The following WWC1 variants were observed in gnomAD, a reference collection of about 807,000 sequenced individuals.
WWC1 encodes WW and C2 domain containing 1.
A neutral mutation model predicts 138.4 loss-of-function variants in WWC1; 55 were observed. The ratio of observed to expected loss-of-function variants is 0.40; its 90% CI spans 0.32 to 0.50. WWC1 has a LOEUF of 0.50. Among genes scored for constraint, WWC1 ranks in the 20% least tolerant of loss-of-function variants. The pLI, the probability that WWC1 is intolerant of heterozygous loss-of-function variation, is 0.72. For synonymous variants in WWC1, 524 were observed against 564.9 expected (o/e 0.93, Z 1.03); for missense variants, 1,226 against 1,420.4 (o/e 0.86, Z 2.20).
Position 168,467,797 on chromosome 5 carries a change from G to A in WWC1, c.3151-43G>A, listed in dbSNP as rs763637772. 5.6e-6 allele frequency: 9 copies of A among 1,612,668 alleles called. No homozygotes were observed. The East Asian group carries it at 2.0e-4, about 36-fold the overall frequency. ...AGCGAGTTCTCCTTGCCCCTTTCTG[G>A]AGGCCCCCTCCACTGACTCAGGGCC... On this transcript the variant is annotated intron_variant, in intron 21 of 22. Transcript: ENST00000265293.
intron 1 of WWC1, among the ~76,000 whole-genome samples, chr5:168,296,023 C>G (rs1769508545): frequency 6.6e-6 from 1 of 152,244 alleles, no homozygotes; most frequent in African/African-American, 2.4e-5. Context: ...CAGGTCTGAA[C>G]AGCACCTTGG....
chr5:168,441,986 T>G, intron 16 of WWC1, 152 bp downstream of exon 16: 2 of 1,176,560 alleles, frequency 1.7e-6, no homozygotes, highest in Non-Finnish European at 2.3e-6. Flanking sequence ...AGGAGAGATC[T>G]CCACTAAGGG....
intron 2 of WWC1, 151 bp from the exon 3 acceptor site, chr5:168,385,060 C>T (rs1393322104): frequency 1.3e-6 from 1 of 748,516 alleles, no homozygotes; most frequent in Non-Finnish European, 2.2e-6. Context: ...TGGAGAATCA[C>T]TGTCATTTAG....
intron 1 of WWC1, among the ~76,000 whole-genome samples, chr5:168,366,801 A>AG (rs1776327629): frequency 1.8e-4 from 18 of 98,946 alleles, no homozygotes; most frequent in African/African-American, 7.0e-4. Context: ...ACTTTGAAAC[A>AG]CTTTTTTTTT....
chr5:168,372,579 C>T (rs1776845477), intron 2 of WWC1, among the ~76,000 whole-genome samples: 1 of 152,180 alleles, frequency 6.6e-6, no homozygotes, highest in Non-Finnish European at 1.5e-5. Flanking sequence ...CTCTTTTAAT[C>T]CTCCCAATTC....
intron 1 of WWC1, among the ~76,000 whole-genome samples, chr5:168,298,219 A>G (rs571224392): frequency 7.8e-4 from 119 of 152,098 alleles, no homozygotes; most frequent in South Asian, 2.3e-3. Context: ...TTGTATTTTT[A>G]GTAGAGACAG....
intron 1 of WWC1, among the ~76,000 whole-genome samples, chr5:168,357,448 C>CTGTGTGTGTG (rs67198550): frequency 2.5e-4 from 33 of 134,522 alleles, no homozygotes; most frequent in African/African-American, 5.8e-4. Flanking sequence ...AACCTGCCTT[C>CTGTGTGTGTG]TGTGTGTGTG....
At chr5:168,407,169 C>A (rs1413694217) in intron 6 of WWC1, among the ~76,000 whole-genome samples, 1 of 152,172 alleles carries the variant, frequency 6.6e-6, no homozygotes, top group East Asian at 1.9e-4. Flanking sequence ...AATGTAGCAT[C>A]TCTATAAGCA....
At chr5:168,446,487 T>G (rs549655954) in intron 17 of WWC1, among the ~76,000 whole-genome samples, 3 of 152,226 alleles carry the variant, frequency 2.0e-5, no homozygotes, top group Non-Finnish European at 4.4e-5. Flanking sequence ...TTGTGTAACC[T>G]TAGGCAAAGT....
intron 2 of WWC1, among the ~76,000 whole-genome samples, chr5:168,380,045 A>T (rs561892540): frequency 2.0e-5 from 3 of 152,232 alleles, no homozygotes; most frequent in Non-Finnish European, 2.9e-5. Context: ...CTCAAAAGAC[A>T]TTATTAAGAA....
intron 2 of WWC1, among the ~76,000 whole-genome samples, chr5:168,384,806 C>G (rs982490462): frequency 6.6e-6 from 1 of 151,542 alleles, no homozygotes; most frequent in Non-Finnish European, 1.5e-5. Context: ...CAACCTCCCC[C>G]TCCTGGGTTC....
chr5:168,468,936 T>A lies in WWC1; in HGVS notation c.3276-15T>A. On this transcript the variant is annotated splice_polypyrimidine_tract_variant and intron_variant, in intron 22 of 22. Transcript: ENST00000265293. ...GTTGAAAACCCCTGCTCTAAAGGGA[T>A]GGCCTCTCTTATAGGGAGAAGATGG... The A allele has an allele frequency of 1.9e-6, 3 of 1,614,140 alleles. No homozygotes were observed. Among genetic ancestry groups the A allele is most frequent in the Non-Finnish European group, 2.5e-6 (3 of 1,179,964 alleles).
chr5:168,410,454 C>T (rs1443516669), intron 8 of WWC1, among the ~76,000 whole-genome samples: 1 of 152,148 alleles, frequency 6.6e-6, no homozygotes, highest in Non-Finnish European at 1.5e-5. Flanking sequence ...TGTTCTGTGG[C>T]TTCACAGAAT....
chr5:168,378,506 A>G (rs1353776267), intron 2 of WWC1, among the ~76,000 whole-genome samples: 1 of 152,172 alleles, frequency 6.6e-6, no homozygotes, highest in East Asian at 1.9e-4. Context: ...GTTTATTTTC[A>G]TTTATTATTT....
intron 1 of WWC1, among the ~76,000 whole-genome samples, chr5:168,323,300 C>CT (rs1413334570): frequency 1.3e-5 from 2 of 152,262 alleles, no homozygotes; most frequent in East Asian, 3.9e-4. Flanking sequence ...AACCCCAACA[C>CT]TTTGGAAGAC....
At chr5:168,306,126 AG>A (rs1561587538) in intron 1 of WWC1, among the ~76,000 whole-genome samples, 1 of 152,190 alleles carries the variant, frequency 6.6e-6, no homozygotes, top group African/African-American at 2.4e-5. Context: ...GGCCGGGTGC[AG>A]TGGCTCACGC....
intron 1 of WWC1, among the ~76,000 whole-genome samples, chr5:168,308,851 TC>T (rs1056289218): frequency 1.3e-5 from 2 of 152,158 alleles, no homozygotes; most frequent in Non-Finnish European, 2.9e-5. Flanking sequence ...AACAATCTCT[TC>T]CTTTCTTCAG....
chr5:168,308,640 C>T (rs1313938688), intron 1 of WWC1, among the ~76,000 whole-genome samples: 2 of 152,092 alleles, frequency 1.3e-5, no homozygotes, highest in Non-Finnish European at 2.9e-5. Flanking sequence ...CAAGGCCCTA[C>T]CCCAGTCAGA....
rs1417741322 is a variant in WWC1 at position 168,428,713 on chromosome 5, T to G, written c.1926T>G (p.Gly642=). ...GVYEASVQRL[G]ASEAAAFDSD... ...CTCCCCTGTTGCCTTTCAGACTGGG[T>G]GCTTCAGAAGCTGCTGCATTTGACA... The change falls in exon 13 of 23, where the codon GGT becomes GGG. Residue 642 remains glycine (G), a synonymous_variant. Coordinates refer to ENST00000265293, the MANE Select transcript of WWC1 (RefSeq NM_015238.3). 6.2e-7 allele frequency: 1 copy of G among 1,613,948 alleles called. No individual in the cohort carries two copies. Among genetic ancestry groups the G allele is most frequent in the East Asian group, 2.2e-5 (1 of 44,866 alleles).
Sources: gnomAD v4.1 joint callset for allele counts (sites outside exome capture counted in the v4.1 genomes callset) on GRCh38, gnomAD v4.1.1 for gene constraint, MANE v1.5 for transcripts, NCBI Gene and HGNC (gene_info 2026-07-23, HGNC 2026-07-21) for gene names.